Variants in QRSL1 observed in about 807,000 individuals in gnomAD.
QRSL1 encodes the protein glutaminyl-tRNA amidotransferase subunit QRSL1.
A neutral mutation model predicts 61.6 loss-of-function variants in QRSL1; 54 were observed. That is an observed-to-expected ratio of 0.88 (90% CI 0.70 to 1.10). The LOEUF (loss-of-function observed/expected upper bound fraction) is 1.10. QRSL1 is among the 50% of genes least tolerant of loss of function. The pLI, the probability that QRSL1 is intolerant of heterozygous loss-of-function variation, is 0.00. For missense variants in QRSL1, 505 were observed against 622.6 expected (o/e 0.81, Z 2.01); for synonymous variants, 228 against 225.7 (o/e 1.01, Z -0.09).
At chr6:106,631,488 T>C (rs72945095) in intron 1 of QRSL1, among the ~76,000 whole-genome samples, 5,948 of 152,284 alleles carry the variant, frequency 0.039, 168 homozygotes, top group Non-Finnish European at 0.06. Context: ...AAGGATTACT[T>C]AAATTATTTT....
chr6:106,663,238 C>A (rs1162143511), intron 10 of QRSL1, 53 bp downstream of exon 10: 2 of 1,552,274 alleles, frequency 1.3e-6, no homozygotes, highest in Admixed American at 3.4e-5. Context: ...AGGCAGGTAC[C>A]CTGGTCTTCA....
chr6:106,652,623 G>A, intron 7 of QRSL1, 41 bp downstream of exon 7: 1 of 1,612,802 alleles, frequency 6.2e-7, no homozygotes, highest in Non-Finnish European at 8.5e-7. Context: ...ATACTGTCAA[G>A]TCCAATAGAG....
chr6:106,661,342 C>G (rs916307110), intron 9 of QRSL1, among the ~76,000 whole-genome samples: 2 of 152,130 alleles, frequency 1.3e-5, no homozygotes, highest in African/African-American at 4.8e-5. Flanking sequence ...GTCTCGAACT[C>G]CTGACCTTGT....
chr6:106,639,111 G>GTTTTTTTTTTTTTTTTTTTTTT (rs1562164982), intron 1 of QRSL1, among the ~76,000 whole-genome samples: 3 of 60,754 alleles, frequency 4.9e-5, no homozygotes, highest in African/African-American at 2.0e-4. Context: ...TTATTTGTGT[G>GTTTTTTTTTTTTTTTTTTTTTT]TTTTGTTGTT....
At position 106,663,175 on chromosome 6, in the gene QRSL1, A is replaced by G. The variant is rs1218779402; in HGVS notation, c.1356A>G (p.Val452=). The G allele has an allele frequency of 1.2e-6, 2 of 1,613,918 alleles. No homozygotes were observed. Among genetic ancestry groups the G allele is most frequent in the African/African-American group, 2.7e-5 (2 of 75,042 alleles). Residue 452 remains valine (V), a synonymous_variant, in exon 10 of 11, where the codon GTA becomes GTG. Coordinates refer to ENST00000369046, the MANE Select transcript of QRSL1 (RefSeq NM_018292.5). ...AGGATGATATTTTTACACAAGCTGTAAATATGGCAGGTGAGGATTCCTCAG... is the reference window on the plus strand; with the variant it reads ...AGGATGATATTTTTACACAAGCTGTGAATATGGCAGGTGAGGATTCCTCAG... The part of the protein sequence containing the change: ...SAQDDIFTQA[V]NMAGLPAVSI...
chr6:106,643,064 A>G lies in QRSL1; in HGVS notation c.354A>G (p.Lys118=). The part of the protein sequence containing the change: ...LLDQGALLMG[K]TNLDEFAMGS... The stretch of plus-strand genomic sequence containing the variant: ...ATCAGGGAGCTCTACTAATGGGAAA[A>G]ACAAATTTAGATGAGTTTGCTATGG... Residue 118 remains lysine, a synonymous_variant, in exon 4 of 11, where the codon AAA becomes AAG. Coordinates refer to ENST00000369046, the MANE Select transcript of QRSL1 (RefSeq NM_018292.5). The G allele has an allele frequency of 6.2e-7, 1 of 1,611,626 alleles. No individual in the cohort carries two copies. Among genetic ancestry groups the G allele is most frequent in the Non-Finnish European group, 8.5e-7 (1 of 1,178,062 alleles).
intron 4 of QRSL1, among the ~76,000 whole-genome samples, chr6:106,645,024 GT>G (rs200154446): frequency 6.6e-6 from 1 of 151,976 alleles, no homozygotes; most frequent in African/African-American, 2.4e-5. Flanking sequence ...ATGATCTTAG[GT>G]TTTTTTGTCA....
rs540641125 is a variant in QRSL1, at chr6:106,642,994, G to A, written c.284G>A (p.Gly95Asp). 16 of 1,598,176 alleles carry A rather than the reference G, an allele frequency of 1.0e-5. No individual in the cohort carries two copies. The African/African-American group carries it at 1.8e-4, about 18-fold the overall frequency. ...ATAATAGTAACTAAATTTTTTTCAG[G>A]TTATATACCACCTTATAATGCTACA... ...ETTCASNMLK[G>D]YIPPYNATVV... Residue 95 changes from glycine (G) to aspartate (D), a missense_variant and splice_region_variant, in exon 4 of 11, where the codon GGT (glycine) becomes GAT (aspartate). By Grantham distance (94) the Gly-to-Asp change is moderately conservative. Transcript: ENST00000369046.
chr6:106,659,093 C>T (rs1777314691), intron 9 of QRSL1, among the ~76,000 whole-genome samples: 1 of 151,500 alleles, frequency 6.6e-6, no homozygotes, highest in Non-Finnish European at 1.5e-5. Context: ...ATTTTTTTCT[C>T]TAGAAGTTCC....
chr6:106,629,647 C>T lies in QRSL1; in HGVS notation c.-35C>T. 2.5e-6 allele frequency: 4 copies of T among 1,593,400 alleles called. No individual in the cohort carries two copies. Among genetic ancestry groups the T allele is most frequent in the African/African-American group, 1.3e-5 (1 of 74,562 alleles). ...CCGGTGACCTCTTTTTCCCCCTTGC[C>T]TGGCTCCTGTGGTGGCAGGCTGGGC... On this transcript the variant is annotated 5_prime_UTR_variant, in exon 1 of 11. Coordinates refer to ENST00000369046, the MANE Select transcript of QRSL1 (RefSeq NM_018292.5).
intron 9 of QRSL1, among the ~76,000 whole-genome samples, chr6:106,661,157 C>G (rs1204948256): frequency 6.6e-6 from 1 of 152,080 alleles, no homozygotes; most frequent in Non-Finnish European, 1.5e-5. Flanking sequence ...TGTCGCCAGG[C>G]TGGAGTGCAG....
intron 1 of QRSL1, among the ~76,000 whole-genome samples, chr6:106,638,786 T>A (rs1019371760): frequency 6.6e-6 from 1 of 152,208 alleles, no homozygotes; most frequent in African/African-American, 2.4e-5. Context: ...CTCTTCCCAC[T>A]GCTTGTTGCA....
Position 106,652,239 on chromosome 6 carries a change from C to T in QRSL1, c.588C>T (p.Thr196=), listed in dbSNP as rs199973725. 6.2e-7 allele frequency: 1 copy of T among 1,613,998 alleles called. No homozygotes were observed. Among genetic ancestry groups the T allele is most frequent in the Non-Finnish European group, 8.5e-7 (1 of 1,179,946 alleles). ...AALGSDTGGS[T]RNPAAHCGLV... is the part of the protein sequence containing the mutation. Reference sequence around the variant, plus strand: ...TAGGATCAGATACAGGAGGATCGACCAGAAATCCTGCTGCCCACTGTGGGC... The same window carrying T: ...TAGGATCAGATACAGGAGGATCGACTAGAAATCCTGCTGCCCACTGTGGGC... The change falls in exon 6 of 11, where the codon ACC becomes ACT. Residue 196 remains threonine, a synonymous_variant. Transcript: ENST00000369046.
chr6:106,654,950 A>G (rs1471731163), intron 8 of QRSL1, 28 bp downstream of exon 8: 3 of 1,523,992 alleles, frequency 2.0e-6, no homozygotes, highest in Non-Finnish European at 1.8e-6. Flanking sequence ...TTTTATTTTT[A>G]AGGTAGTTGT....
intron 1 of QRSL1, among the ~76,000 whole-genome samples, chr6:106,639,116 GTTGTTTTTTTTTTTT>G (rs1302723317): frequency 1.8e-5 from 1 of 54,358 alleles, no homozygotes; most frequent in Non-Finnish European, 4.0e-5. Context: ...TGTGTGTTTT[GTTGTTTTTTTTTTTT>G]TTTTTTTTTT....
chr6:106,658,853 A>G (rs1242185378), intron 9 of QRSL1, among the ~76,000 whole-genome samples: 1 of 152,070 alleles, frequency 6.6e-6, no homozygotes, highest in African/African-American at 2.4e-5. Context: ...CATTTTGGCT[A>G]TTATTTCCTC....
intron 1 of QRSL1, among the ~76,000 whole-genome samples, chr6:106,632,606 C>T (rs1307109412): frequency 2.3e-4 from 35 of 152,280 alleles, no homozygotes. Context: ...TTTCTCCATC[C>T]TCACCAGCAT....
Position 106,629,701 on chromosome 6 carries a change from G to A in QRSL1, c.20G>A (p.Arg7Gln), listed in dbSNP as rs774304169. The A allele has an allele frequency of 6.2e-7, 1 of 1,606,394 alleles. No individual in the cohort carries two copies. The highest frequency in any genetic ancestry group is 8.5e-7 in the Non-Finnish European group (1 of 1,177,060). Residue 7 changes from arginine to glutamine, a missense_variant, in exon 1 of 11, where the codon CGA (arginine) becomes CAA (glutamine). Arg to Gln is a conservative substitution (Grantham distance 43). Transcript: ENST00000369046. MLGRSL[R>Q]EVSAALKQGQ... is the part of the protein sequence containing the mutation. ...AGGACCATGCTGGGCCGGAGCCTCC[G>A]AGAAGTGAGTGGAATTGGCCCGCTG...
chr6:106,658,786 T>C (rs1777310384), intron 9 of QRSL1, among the ~76,000 whole-genome samples: 1 of 152,314 alleles, frequency 6.6e-6, no homozygotes, highest in Non-Finnish European at 1.5e-5. Context: ...TTCTTCTGCA[T>C]AGGGGTTTGT....
Sources: allele counts gnomAD v4.1 joint callset (sites outside exome capture counted in the v4.1 genomes callset), GRCh38; gene constraint gnomAD v4.1.1; transcripts MANE v1.5; gene names NCBI Gene and HGNC (gene_info 2026-07-23, HGNC 2026-07-21).